The following PPP4R4 variants were observed in gnomAD, a reference collection of about 807,000 sequenced individuals.
The protein encoded by PPP4R4 is serine/threonine-protein phosphatase 4 regulatory subunit 4.
PPP4R4 carries 70 observed loss-of-function variants against 121.8 expected under a neutral mutation model. The observed-to-expected ratio is 0.57, with a 90% CI of 0.47 to 0.70. The LOEUF is 0.70. Ranked by LOEUF, PPP4R4 falls within the 30% of genes least tolerant of loss-of-function variation. The pLI is 0.00. For missense variants in PPP4R4, 875 were observed against 1,033.6 expected (o/e 0.85, Z 2.10); for synonymous variants, 348 against 355.7 (o/e 0.98, Z 0.24).
intron 2 of PPP4R4, among the ~76,000 whole-genome samples, chr14:94,193,505 G>T (rs1340467781): frequency 2.0e-5 from 3 of 152,116 alleles, no homozygotes; most frequent in Non-Finnish European, 2.9e-5. Flanking sequence ...TTAGCACAAT[G>T]CCTGGCTTAT....
At chr14:94,225,294 T>G (rs1891634611) in intron 3 of PPP4R4, among the ~76,000 whole-genome samples, 1 of 152,154 alleles carries the variant, frequency 6.6e-6, no homozygotes, top group South Asian at 2.1e-4. Context: ...CCTTCCAAGA[T>G]CTAAGAGACA....
At chr14:94,255,086 G>C (rs1464317229) in intron 16 of PPP4R4, among the ~76,000 whole-genome samples, 4 of 152,188 alleles carry the variant, frequency 2.6e-5, no homozygotes, top group African/African-American at 9.6e-5. Context: ...TATTGAGCCT[G>C]TTGCCCACTT....
intron 2 of PPP4R4, among the ~76,000 whole-genome samples, chr14:94,191,256 A>G (rs1394782088): frequency 6.6e-6 from 1 of 152,112 alleles, no homozygotes; most frequent in Non-Finnish European, 1.5e-5. Flanking sequence ...TCTAAACTGT[A>G]TCCTAAGGAA....
At chr14:94,235,224 A>C (rs537386125) in intron 7 of PPP4R4, among the ~76,000 whole-genome samples, 3 of 152,218 alleles carry the variant, frequency 2.0e-5, no homozygotes, top group African/African-American at 7.2e-5. Flanking sequence ...GTACATGTTC[A>C]GTAAAGAAGA....
Position 94,237,596 on chromosome 14 carries a change from G to A in PPP4R4, c.763G>A (p.Glu255Lys), listed in dbSNP as rs536782817. Residue 255 changes from glutamate to lysine, a missense_variant, in exon 8 of 25, where the codon GAA becomes AAA. Coordinates refer to ENST00000304338, the MANE Select transcript of PPP4R4 (RefSeq NM_058237.2). ...ACTTACAAAAAGTGTGGTGCTCCCT[G>A]AATTAATAGAACTTTCTAGGGATGA... ...TELTKSVVLP[E>K]LIELSRDEGS... is the part of the protein sequence containing the mutation. 4 of 1,612,824 alleles carry A rather than the reference G, an allele frequency of 2.5e-6. No homozygotes were observed. The highest frequency in any genetic ancestry group is 3.4e-6 in the Non-Finnish European group (4 of 1,178,844).
At chr14:94,216,897 G>T (rs955008240) in intron 3 of PPP4R4, among the ~76,000 whole-genome samples, 2 of 152,156 alleles carry the variant, frequency 1.3e-5, no homozygotes, top group Non-Finnish European at 2.9e-5. Flanking sequence ...GGGGCTGGGT[G>T]TGGAAGGCAG....
intron 8 of PPP4R4, 56 bp downstream of exon 8, chr14:94,237,742 A>T: frequency 6.4e-7 from 1 of 1,561,310 alleles, no homozygotes. Context: ...TACATGTTTT[A>T]TGTCACTAAT....
At chr14:94,260,430 A>G (rs1566698459) in intron 19 of PPP4R4, among the ~76,000 whole-genome samples, 1 of 152,084 alleles carries the variant, frequency 6.6e-6, no homozygotes, top group Admixed American at 6.5e-5. Flanking sequence ...TGTCCCCCCA[A>G]AAAACAAAAC....
intron 14 of PPP4R4, among the ~76,000 whole-genome samples, chr14:94,248,369 G>A (rs917814399): frequency 3.3e-5 from 5 of 152,140 alleles, no homozygotes; most frequent in African/African-American, 1.2e-4. Context: ...AAAGAGCTCT[G>A]CAAGGGGAGC....
intron 7 of PPP4R4, among the ~76,000 whole-genome samples, chr14:94,234,951 C>T (rs1487065776): frequency 6.6e-6 from 1 of 152,146 alleles, no homozygotes; most frequent in African/African-American, 2.4e-5. Flanking sequence ...TATTCTTTGA[C>T]TATATTATTG....
chr14:94,194,940 C>T (rs559912307), intron 2 of PPP4R4, among the ~76,000 whole-genome samples: 2 of 152,330 alleles, frequency 1.3e-5, no homozygotes, highest in African/African-American at 2.4e-5. Flanking sequence ...ACTCCTTATA[C>T]TTTTCTCTAA....
intron 19 of PPP4R4, among the ~76,000 whole-genome samples, chr14:94,260,147 G>A (rs550722362): frequency 9.2e-4 from 140 of 152,188 alleles, no homozygotes; most frequent in Non-Finnish European, 1.5e-3. Context: ...AAAAATGGCC[G>A]GGTGTGGTAG....
At chr14:94,272,075 C>T (rs986714359) in intron 23 of PPP4R4, among the ~76,000 whole-genome samples, 2 of 152,150 alleles carry the variant, frequency 1.3e-5, no homozygotes, top group East Asian at 1.9e-4. Flanking sequence ...ATTGTCAAGA[C>T]GTCAGTTCTT....
chr14:94,254,074 A>G (rs888895142), intron 16 of PPP4R4, among the ~76,000 whole-genome samples: 2 of 152,224 alleles, frequency 1.3e-5, no homozygotes, highest in African/African-American at 4.8e-5. Flanking sequence ...TTTATAAAGT[A>G]TTCTGAGGTA....
chr14:94,278,437 AT>A (rs1378909368), intron 24 of PPP4R4, among the ~76,000 whole-genome samples, 181 bp from the exon 25 acceptor site: 1 of 152,166 alleles, frequency 6.6e-6, no homozygotes, highest in Non-Finnish European at 1.5e-5. Context: ...TGTGTAATTC[AT>A]TTTTTCCCTT....
At chr14:94,204,918 G>A (rs1207728803) in intron 2 of PPP4R4, among the ~76,000 whole-genome samples, 1 of 152,160 alleles carries the variant, frequency 6.6e-6, no homozygotes, top group Non-Finnish European at 1.5e-5. Flanking sequence ...GCCTGTTAAT[G>A]TGATGGAGTA....
intron 3 of PPP4R4, among the ~76,000 whole-genome samples, chr14:94,230,107 G>T (rs1251865106): frequency 6.6e-6 from 1 of 152,074 alleles, no homozygotes; most frequent in Non-Finnish European, 1.5e-5. Flanking sequence ...GTTGTTTAAA[G>T]GGGAAATATT....
chr14:94,250,038 G>A (rs963856604), intron 14 of PPP4R4, 134 bp from the exon 15 acceptor site: 3 of 586,988 alleles, frequency 5.1e-6, no homozygotes, highest in Admixed American at 5.8e-5. Flanking sequence ...ACTTCCAGAA[G>A]GATGTAAGTT....
chr14:94,210,438 G>A (rs1329971693), intron 3 of PPP4R4, among the ~76,000 whole-genome samples: 1 of 151,776 alleles, frequency 6.6e-6, no homozygotes, highest in Non-Finnish European at 1.5e-5. Flanking sequence ...AGCTTTAAAA[G>A]TAATGAAAAT....
Sources: allele counts gnomAD v4.1 joint callset (sites outside exome capture counted in the v4.1 genomes callset), GRCh38; gene constraint gnomAD v4.1.1; transcripts MANE v1.5; gene names NCBI Gene and HGNC (gene_info 2026-07-23, HGNC 2026-07-21).